NEDD4L: variants seen among roughly 807,000 people sequenced by gnomAD.
NEDD4L encodes NEDD4 like E3 ubiquitin protein ligase.
In NEDD4L, 54 loss-of-function variants were observed where a neutral mutation model predicts 148.9. That is an observed-to-expected ratio of 0.36 (90% CI 0.29 to 0.45). NEDD4L has a LOEUF of 0.45. Among genes scored for constraint, NEDD4L ranks in the 20% least tolerant of loss-of-function variants. The probability of loss-of-function intolerance (pLI) is 1.00; values close to 1 mark genes in which losing one functional copy is unlikely to be tolerated. For synonymous variants in NEDD4L, 433 were observed against 440.7 expected (o/e 0.98, Z 0.22); for missense variants, 856 against 1,233.8 (o/e 0.69, Z 4.59).
chr18:58,227,705 C>G (rs764107656), intron 2 of NEDD4L: 50 of 163,582 alleles, frequency 3.1e-4, no homozygotes, highest in Non-Finnish European at 5.7e-4. Flanking sequence ...TACCTAATTG[C>G]CCCTCTGGTT....
chr18:58,249,674 A>G (rs905635519), intron 4 of NEDD4L, among the ~76,000 whole-genome samples: 3 of 152,262 alleles, frequency 2.0e-5, no homozygotes. Flanking sequence ...GCTTACCTCC[A>G]GAAATAATCC....
rs1176179002 is a variant in NEDD4L, at chr18:58,256,494, C to G, written c.297+4440C>G. On this transcript the variant is annotated intron_variant, in intron 5 of 30. Transcript: ENST00000400345. This position sits in a 1 kb window ranked among gnomAD's most constrained non-coding sequence, Gnocchi z 5.2. ...CGCATTCGGCTGGAGAGGAGCACCT[C>G]GTACCCCACGCAGCCCCGAAGCGAG... 8.1e-7 allele frequency: 1 copy of G among 1,232,170 alleles called. No homozygotes were observed. The highest frequency in any genetic ancestry group is 1.6e-5 in the African/African-American group (1 of 64,434). The allele number at this position is 1,232,170 out of a possible 1,614,324, so 76.3% of individuals were successfully genotyped here.
intron 1 of NEDD4L, among the ~76,000 whole-genome samples, chr18:58,148,123 A>G (rs2034299594): frequency 6.7e-6 from 1 of 149,666 alleles, no homozygotes; most frequent in South Asian, 2.1e-4. Context: ...CAAAATACCC[A>G]ATTGGTGACT....
intron 2 of NEDD4L, among the ~76,000 whole-genome samples, 161 bp from the exon 3 acceptor site, chr18:58,245,266 G>C (rs2047119633): frequency 6.6e-6 from 1 of 152,142 alleles, no homozygotes; most frequent in Admixed American, 6.5e-5. Context: ...TTTACTCCAA[G>C]TGTATTGACT....
chr18:58,370,033 A>G (rs1400880649), intron 22 of NEDD4L, among the ~76,000 whole-genome samples: 3 of 151,970 alleles, frequency 2.0e-5, no homozygotes, highest in Non-Finnish European at 4.4e-5. Flanking sequence ...TGGCCTGTCT[A>G]CCCGCCCTGG....
intron 13 of NEDD4L, among the ~76,000 whole-genome samples, chr18:58,338,470 A>G (rs1046213478): frequency 1.3e-5 from 2 of 152,242 alleles, no homozygotes; most frequent in African/African-American, 2.4e-5. Flanking sequence ...ACATTTCCAA[A>G]TTGCCCTCTC....
chr18:58,179,435 C>T (rs1021958084), intron 2 of NEDD4L, among the ~76,000 whole-genome samples: 11 of 152,206 alleles, frequency 7.2e-5, no homozygotes, highest in Non-Finnish European at 1.2e-4. Flanking sequence ...ACTCTCTCAT[C>T]CTTCCGGCTG....
chr18:58,184,026 A>G (rs558176744), intron 2 of NEDD4L, among the ~76,000 whole-genome samples: 39 of 152,226 alleles, frequency 2.6e-4, no homozygotes, highest in Admixed American at 6.5e-4. Context: ...AAAATTAGCC[A>G]GGCGTGGTGG....
At chr18:58,255,850 G>A in intron 5 of NEDD4L, 1 of 1,232,458 alleles carries the variant, frequency 8.1e-7, no homozygotes, top group Non-Finnish European at 1.0e-6. Flanking sequence ...AGCGGAGCTC[G>A]TCCATGTTCA....
intron 2 of NEDD4L, among the ~76,000 whole-genome samples, chr18:58,178,223 G>C (rs913279544): frequency 6.6e-5 from 10 of 152,168 alleles, no homozygotes; most frequent in African/African-American, 2.4e-4. Context: ...TATTGCTGCT[G>C]GTCGGTCAAT....
intron 2 of NEDD4L, among the ~76,000 whole-genome samples, chr18:58,179,166 C>T (rs367898716): frequency 1.1e-4 from 17 of 152,246 alleles, no homozygotes; most frequent in African/African-American, 3.9e-4. Flanking sequence ...CTTTCTTCCA[C>T]GGTGGTGTAC....
rs572311806 is a variant in NEDD4L at position 58,308,969 on chromosome 18, G to T, written c.298-7013G>T. Among the ~76,000 whole-genome samples, 70 of 152,340 alleles carry T rather than the reference G, an allele frequency of 4.6e-4. 2 individuals are homozygous for T. The South Asian group carries it at 0.014, about 30-fold the overall frequency. On this transcript the variant is annotated intron_variant, in intron 5 of 30. Transcript: ENST00000400345. Reference sequence around the variant, plus strand: ...CGTGTCCTGAGTGGGCTGCACCCTCGTGGTGCTCAACTGGGTGACTTCACG... The same window carrying T: ...CGTGTCCTGAGTGGGCTGCACCCTCTTGGTGCTCAACTGGGTGACTTCACG...
chr18:58,333,314 A>T (rs1264074915), intron 11 of NEDD4L, among the ~76,000 whole-genome samples: 2 of 151,982 alleles, frequency 1.3e-5, no homozygotes, highest in Non-Finnish European at 2.9e-5. Flanking sequence ...AATTATAAAT[A>T]CCAGATCTTT....
chr18:58,113,319 C>G (rs576870458), intron 1 of NEDD4L, among the ~76,000 whole-genome samples: 9 of 152,250 alleles, frequency 5.9e-5, no homozygotes, highest in Non-Finnish European at 1.2e-4. Flanking sequence ...AGTCTATGGT[C>G]TAGTTGGGGA....
At chr18:58,322,101 G>A (rs1568688509) in intron 6 of NEDD4L, among the ~76,000 whole-genome samples, 1 of 152,222 alleles carries the variant, frequency 6.6e-6, no homozygotes, top group Non-Finnish European at 1.5e-5. Context: ...GCAAGGCACT[G>A]GTGACCGCTG....
chr18:58,085,032 C>T (rs1429855699), intron 1 of NEDD4L, among the ~76,000 whole-genome samples: 1 of 152,130 alleles, frequency 6.6e-6, no homozygotes, highest in Non-Finnish European at 1.5e-5. Context: ...GCTAGTGTCT[C>T]ATTGCGTGTC....
chr18:58,115,245 C>CTTTCTTTCT (rs566739353), intron 1 of NEDD4L, among the ~76,000 whole-genome samples: 91 of 129,524 alleles, frequency 7.0e-4, no homozygotes, highest in African/African-American at 2.5e-3. Flanking sequence ...TTCTTTCTTT[C>CTTTCTTTCT]TTTTTTTTTT....
chr18:58,108,901 T>A (rs1348131931), intron 1 of NEDD4L, among the ~76,000 whole-genome samples: 1 of 152,222 alleles, frequency 6.6e-6, no homozygotes, highest in Non-Finnish European at 1.5e-5. Context: ...ACACATCACA[T>A]TGGATTGCCA....
chr18:58,281,849 G>T (rs1159141383), intron 5 of NEDD4L, among the ~76,000 whole-genome samples: 1 of 151,230 alleles, frequency 6.6e-6, no homozygotes, highest in Non-Finnish European at 1.5e-5. Flanking sequence ...CATTGTGGAA[G>T]CCCATCTCTA....
Sources: gnomAD v4.1 joint callset for allele counts (sites outside exome capture counted in the v4.1 genomes callset) on GRCh38, gnomAD v4.1.1 for gene constraint, Gnocchi (gnomAD v3.1) non-coding constraint, MANE v1.5 for transcripts, NCBI Gene and HGNC (gene_info 2026-07-23, HGNC 2026-07-21) for gene names.